Variants in MGAM observed in about 807,000 individuals in gnomAD.
MGAM encodes the protein maltase-glucoamylase.
In MGAM, 253 loss-of-function variants were observed where a neutral mutation model predicts 358.8. The ratio of observed to expected loss-of-function variants is 0.71; its 90% CI spans 0.64 to 0.78. MGAM has a LOEUF of 0.78. MGAM is among the 30% of genes least tolerant of loss of function. MGAM has a pLI of 0.00. For synonymous variants in MGAM, 1,105 were observed against 1,227.1 expected, an observed-to-expected ratio of 0.90 and a Z score of 2.08; for missense variants, 3,080 against 3,432.6, an observed-to-expected ratio of 0.90 and a Z score of 2.57.
Position 142,041,945 on chromosome 7 carries a change from TATACATATATATAATATATATATATTA to T in MGAM, c.2498+1100_2498+1126del, listed in dbSNP as rs1808701892. 1.2e-4 allele frequency among the ~76,000 whole-genome samples: 2 copies of T among 16,292 alleles called. 1 individual carries two copies. Among genetic ancestry groups the T allele is most frequent in the Non-Finnish European group, 2.6e-4 (2 of 7,610 alleles). The allele number at this position is 16,292 out of a possible 152,430, so 10.7% of individuals were successfully genotyped here. On this transcript the variant is annotated intron_variant, in intron 21 of 70. Transcript: ENST00000475668. ...TAATATATAATATATATATTATATA[TATACATATATATAATATATATATATTA>T]TATATATATAATATAATATATATAT...
chr7:142,062,839 C>T (rs535041891), intron 35 of MGAM, 137 bp downstream of exon 35: 271 of 1,441,800 alleles, frequency 1.9e-4, no homozygotes, highest in Non-Finnish European at 2.4e-4. Flanking sequence ...ACTTCTTCCT[C>T]TCAGGAGAGG....
chr7:142,082,817 C>T lies in MGAM; in HGVS notation c.6268+246C>T, dbSNP rs115312600. Among the ~76,000 whole-genome samples, 1,250 of 145,704 alleles carry T rather than the reference C, an allele frequency of 8.6e-3. 141 individuals are homozygous for T. In the South Asian group the frequency reaches 0.096, roughly 11 times the overall value. ...AAGGGATAGTAAAACCACATGGGTC[C>T]CAAATGTCTTGGAGGTCAGCTCGTG... On this transcript the variant is annotated intron_variant, in intron 52 of 70. Coordinates refer to ENST00000475668, the MANE Select transcript of MGAM (RefSeq NM_001365693.1).
rs922148164 is a variant in MGAM, at chr7:142,091,258, A to AG, written c.6811-655_6811-654insG. Among the ~76,000 whole-genome samples, 38 of 144,846 alleles carry AG rather than the reference A, an allele frequency of 2.6e-4. 1 individual carries two copies. The highest frequency in any genetic ancestry group is 8.8e-4 in the African/African-American group (36 of 40,976). On this transcript the variant is annotated intron_variant, in intron 57 of 70. Coordinates refer to ENST00000475668, the MANE Select transcript of MGAM (RefSeq NM_001365693.1). ...AGAGCAAGACTCTGTCTCAAAAAAA[A>AG]AAAAAAAGAAGTTGTACCTTTAACC...
rs561225935 is a variant in MGAM at position 142,054,592 on chromosome 7, A to T, written c.3160-162A>T. Among the ~76,000 whole-genome samples, 9 of 152,320 alleles carry T rather than the reference A, an allele frequency of 5.9e-5. No homozygotes were observed. In the East Asian group the frequency reaches 1.7e-3, roughly 29 times the overall value. On this transcript the variant is annotated intron_variant, in intron 26 of 70. Transcript: ENST00000475668. The stretch of plus-strand genomic sequence containing the variant: ...TAATGAGAAATCACAGAAAAATGTT[A>T]AATGTGACATTGTTATCTGATATAT...
chr7:142,007,594 C>T (rs1380406631), intron 2 of MGAM, among the ~76,000 whole-genome samples: 2 of 152,130 alleles, frequency 1.3e-5, no homozygotes, highest in Non-Finnish European at 2.9e-5. Context: ...GAAAACCAAT[C>T]AAAAGACACT....
At chr7:142,051,153 G>A (rs538293757) in intron 24 of MGAM, among the ~76,000 whole-genome samples, 5 of 152,266 alleles carry the variant, frequency 3.3e-5, no homozygotes, top group Admixed American at 1.3e-4. Flanking sequence ...CAGCAAAGTT[G>A]GAAAGTGGGG....
upstream of MGAM, among the ~76,000 whole-genome samples, chr7:141,991,419 T>C (rs1381512095): frequency 6.6e-6 from 1 of 150,956 alleles, no homozygotes; most frequent in Non-Finnish European, 1.5e-5. Flanking sequence ...GGGTGGTGGC[T>C]GGGGATGGAG....
chr7:142,005,702 G>T, intron 2 of MGAM, 45 bp downstream of exon 2: 2 of 1,564,794 alleles, frequency 1.3e-6, no homozygotes, highest in Non-Finnish European at 1.7e-6. Flanking sequence ...GTTTTTATTA[G>T]AGCAAACCTT....
At chr7:142,046,581 C>G (rs569947939) in intron 21 of MGAM, among the ~76,000 whole-genome samples, 1 of 152,078 alleles carries the variant, frequency 6.6e-6, no homozygotes, top group Non-Finnish European at 1.5e-5. Context: ...GAATTTGCCA[C>G]ACGGAGATTC....
intron 21 of MGAM, among the ~76,000 whole-genome samples, chr7:142,045,718 A>T (rs145774145): frequency 0.12 from 4,039 of 33,794 alleles, 612 homozygotes; most frequent in Non-Finnish European, 0.17. Context: ...ATAATATATA[A>T]TATATACATA....
At chr7:142,025,489 A>T (rs542877985) in intron 8 of MGAM, among the ~76,000 whole-genome samples, 1 of 152,174 alleles carries the variant, frequency 6.6e-6, no homozygotes, top group East Asian at 1.9e-4. Flanking sequence ...TAGTCAGTAG[A>T]TCCCAGTGGC....
intron 3 of MGAM, among the ~76,000 whole-genome samples, chr7:142,016,333 C>A (rs1235573059): frequency 6.6e-6 from 1 of 152,124 alleles, no homozygotes; most frequent in Non-Finnish European, 1.5e-5. Flanking sequence ...TAAAAAGTAA[C>A]ATATCTTTCC....
At position 142,076,388 on chromosome 7, in the gene MGAM, T is replaced by C. The variant is rs768478575; in HGVS notation, c.5325+136T>C. 6 of 1,003,566 alleles carry C rather than the reference T, an allele frequency of 6.0e-6. 1 individual carries two copies. Among genetic ancestry groups the C allele is most frequent in the Non-Finnish European group, 9.4e-6 (6 of 640,266 alleles). 62.2% of individuals were successfully genotyped at this position (1,003,566 alleles called of 1,614,324 possible). A position where few individuals can be genotyped will look rare whatever the true frequency, so the allele number is the denominator to read the frequency against. On this transcript the variant is annotated intron_variant, in intron 46 of 70. Transcript: ENST00000475668. ...CTATAGGTGAGCACATTTCTATTTA[T>C]GATTTCATCGATGTTTTCAAAAGGA...
In MGAM at chr7:142,076,602, A is replaced by G. The variant is rs1813764081; in HGVS notation, c.5326-57A>G. On this transcript the variant is annotated intron_variant, in intron 46 of 70. Coordinates refer to ENST00000475668, the MANE Select transcript of MGAM (RefSeq NM_001365693.1). Reference sequence around the variant, plus strand: ...TGGAATAGAATATATGAGTGACTTGAGAATCTGTGTATTACAGGCATACCT... The same window carrying G: ...TGGAATAGAATATATGAGTGACTTGGGAATCTGTGTATTACAGGCATACCT... The G allele has an allele frequency of 3.7e-6, 5 of 1,356,190 alleles. No homozygotes were observed. In the African/African-American group the frequency reaches 4.2e-5, roughly 11 times the overall value. The allele number at this position is 1,356,190 out of a possible 1,614,324, so 84.0% of individuals were successfully genotyped here.
chr7:142,023,227 A>ATT (rs201351676), intron 7 of MGAM, among the ~76,000 whole-genome samples: 4,139 of 151,840 alleles, frequency 0.027, 136 homozygotes, highest in African/African-American at 0.076. Context: ...TGCCTGGCCA[A>ATT]ATTTTTGTAT....
chr7:142,055,377 A>T (rs1308788754), intron 27 of MGAM, among the ~76,000 whole-genome samples, 181 bp from the exon 28 acceptor site: 2 of 152,176 alleles, frequency 1.3e-5, no homozygotes, highest in African/African-American at 4.8e-5. Flanking sequence ...AATGATGAAT[A>T]ACTCCTGGGC....
intron 8 of MGAM, among the ~76,000 whole-genome samples, chr7:142,025,477 T>C (rs1554460629): frequency 6.6e-6 from 1 of 152,196 alleles, no homozygotes; most frequent in East Asian, 1.9e-4. Flanking sequence ...TCTTCAGCCC[T>C]GTAGTCAGTA....
Position 142,034,668 on chromosome 7 carries a change from A to G in MGAM, c.1788-2A>G, listed in dbSNP as rs1807822139. On this transcript the variant is annotated splice_acceptor_variant, in intron 15 of 70. Transcript: ENST00000475668. LOFTEE classifies it high-confidence loss of function. ...GACTCCTTAAATCTCTCTCCCTTGC[A>G]GAGCTGCCAAGACTGTGTTCCCTAA... 6.2e-7 allele frequency: 1 copy of G among 1,612,570 alleles called. No individual in the cohort carries two copies. Among genetic ancestry groups the G allele is most frequent in the African/African-American group, 1.3e-5 (1 of 74,870 alleles).
rs147253245 is a variant in MGAM at position 142,018,155 on chromosome 7, T to C, written c.328-1044T>C. ...CTTGGCTTAGCTAGGTGCCTCTGGC[T>C]CAGTGTCTCTTGGAAGGCTGCAGTC... On this transcript the variant is annotated intron_variant, in intron 3 of 70. Coordinates refer to ENST00000475668, the MANE Select transcript of MGAM (RefSeq NM_001365693.1). Among the ~76,000 whole-genome samples, 509 of 152,360 alleles carry C rather than the reference T, an allele frequency of 3.3e-3. 15 individuals are homozygous for C. In the South Asian group the frequency reaches 0.057, roughly 17 times the overall value.
Sources: gnomAD v4.1 joint callset for allele counts (sites outside exome capture counted in the v4.1 genomes callset) on GRCh38, gnomAD v4.1.1 for gene constraint, MANE v1.5 for transcripts, NCBI Gene and HGNC (gene_info 2026-07-23, HGNC 2026-07-21) for gene names.